Variants in BTRC observed in about 807,000 individuals in gnomAD.
The protein encoded by BTRC is beta-transducin repeat containing E3 ubiquitin protein ligase.
A neutral mutation model predicts 85.5 loss-of-function variants in BTRC; 42 were observed. The observed-to-expected ratio is 0.49, with a 90% confidence interval of 0.38 to 0.64. The LOEUF is 0.64. BTRC is among the 30% of genes least tolerant of loss of function. BTRC has a pLI of 0.00. For synonymous variants in BTRC, 255 were observed against 263.3 expected (o/e 0.97, Z 0.30); for missense variants, 594 against 743.5 (o/e 0.80, Z 2.34).
chr10:101,363,341 T>G lies in BTRC; in HGVS notation c.48+9113T>G, dbSNP rs573461139. 2.0e-5 allele frequency among the ~76,000 whole-genome samples: 3 copies of G among 152,296 alleles called. No homozygotes were observed. In the East Asian group the frequency reaches 5.8e-4, roughly 29 times the overall value. On this transcript the variant is annotated intron_variant, in intron 1 of 14. Coordinates refer to ENST00000370187, the MANE Select transcript of BTRC (RefSeq NM_033637.4). Reference sequence around the variant, plus strand: ...TCCTCTTTGAAGAGCAGGAAAACTGTGGGATATGGTGGCATGTTTCCTTAA... The same window carrying G: ...TCCTCTTTGAAGAGCAGGAAAACTGGGGGATATGGTGGCATGTTTCCTTAA...
chr10:101,377,239 G>A (rs1364254780), intron 1 of BTRC, among the ~76,000 whole-genome samples: 1 of 152,134 alleles, frequency 6.6e-6, no homozygotes, highest in Non-Finnish European at 1.5e-5. Context: ...AGGAGTTCAC[G>A]TCTTACTATT....
intron 1 of BTRC, among the ~76,000 whole-genome samples, chr10:101,396,393 A>G (rs1350711134): frequency 6.6e-6 from 1 of 151,180 alleles, no homozygotes; most frequent in Non-Finnish European, 1.5e-5. Flanking sequence ...GAAAACTTGA[A>G]TGGGAGGTGA....
At chr10:101,456,848 G>A (rs945921851) in intron 2 of BTRC, among the ~76,000 whole-genome samples, 1 of 152,098 alleles carries the variant, frequency 6.6e-6, no homozygotes, top group African/African-American at 2.4e-5. Context: ...AATATAAAAG[G>A]TAACAAGTTG....
intron 4 of BTRC, among the ~76,000 whole-genome samples, chr10:101,505,219 G>A (rs1459211392): frequency 1.7e-5 from 2 of 118,576 alleles, no homozygotes; most frequent in African/African-American, 3.5e-5. Context: ...GGCCAGGCTG[G>A]TCTAAGACTC....
At chr10:101,466,968 A>T (rs149854223) in intron 3 of BTRC, among the ~76,000 whole-genome samples, 1 of 152,312 alleles carries the variant, frequency 6.6e-6, no homozygotes, top group African/African-American at 2.4e-5. Flanking sequence ...TAGCTCCTTT[A>T]TACAGTTGGA....
chr10:101,452,858 C>A (rs1447112326), intron 2 of BTRC, among the ~76,000 whole-genome samples: 1 of 152,072 alleles, frequency 6.6e-6, no homozygotes, highest in Non-Finnish European at 1.5e-5. Context: ...GAAAACATGC[C>A]AGAGAATATC....
At chr10:101,499,841 G>A (rs539528373) in intron 4 of BTRC, among the ~76,000 whole-genome samples, 6 of 151,648 alleles carry the variant, frequency 4.0e-5, no homozygotes, top group African/African-American at 1.2e-4. Flanking sequence ...TGGAAATCAA[G>A]CCTCAGTGCT....
chr10:101,536,617 T>C lies in BTRC; in HGVS notation c.1541T>C (p.Phe514Ser). 1 of 1,613,886 alleles carries C rather than the reference T, an allele frequency of 6.2e-7. No homozygotes were observed. Among genetic ancestry groups the C allele is most frequent in the Non-Finnish European group, 8.5e-7 (1 of 1,179,782 alleles). Residue 514 changes from phenylalanine (F) to serine (S), a missense_variant, in exon 12 of 15, where the codon TTT becomes TCT. This residue lies in a region of BTRC where 373 missense variants were observed against 503.6 expected (regional missense o/e 0.74). Transcript: ENST00000370187. ...GAGGAATTGGTGCGTTGTATTCGATTTGATAACAAGAGGATAGTCAGTGGG... is the reference window on the plus strand; with the variant it reads ...GAGGAATTGGTGCGTTGTATTCGATCTGATAACAAGAGGATAGTCAGTGGG... ...GHEELVRCIR[F>S]DNKRIVSGAY...
intron 1 of BTRC, among the ~76,000 whole-genome samples, chr10:101,404,028 ATAT>A (rs1373121180): frequency 2.3e-4 from 7 of 31,092 alleles, no homozygotes; most frequent in Non-Finnish European, 2.7e-4. Flanking sequence ...ATATATATAT[ATAT>A]TTTTTTTTTT....
At chr10:101,389,931 A>G (rs1038672298) in intron 1 of BTRC, among the ~76,000 whole-genome samples, 1 of 152,174 alleles carries the variant, frequency 6.6e-6, no homozygotes, top group Non-Finnish European at 1.5e-5. Flanking sequence ...AAACTCTTGC[A>G]AGACCACTAT....
chr10:101,358,996 G>A (rs7911978), intron 1 of BTRC, among the ~76,000 whole-genome samples: 151,787 of 152,318 alleles, frequency 1, 75,633 homozygotes, highest in Middle Eastern at 1. Context: ...AAATGGTATC[G>A]GCCAAGTTTG....
At chr10:101,541,922 G>A (rs2062475007) in intron 13 of BTRC, among the ~76,000 whole-genome samples, 1 of 143,116 alleles carries the variant, frequency 7.0e-6, no homozygotes, top group Non-Finnish European at 1.5e-5. Flanking sequence ...CTGGTTGACT[G>A]TCATGATAAT....
chr10:101,542,468 G>C (rs1346385073), intron 13 of BTRC, among the ~76,000 whole-genome samples: 1 of 152,120 alleles, frequency 6.6e-6, no homozygotes, highest in Non-Finnish European at 1.5e-5. Context: ...TGTATCCTTA[G>C]TGATTTTTCT....
chr10:101,550,782 G>A lies in BTRC; in HGVS notation c.1740G>A (p.Trp580Ter). ...SSSHDDTILI[W>*]DFLNDPAAQA... ...CACATGATGACACAATCCTCATCTG[G>A]GACTTCCTAAATGATCCAGCTGCCC... is the stretch of plus-strand genomic sequence containing the variant. The change falls in exon 14 of 15, where the codon TGG (tryptophan) becomes TGA (stop). Residue 580 changes from tryptophan (W) to a stop codon, truncating the protein, a stop_gained. Transcript: ENST00000370187. LOFTEE classifies it high-confidence loss of function. 1 of 1,613,890 alleles carries A rather than the reference G, an allele frequency of 6.2e-7. No individual in the cohort carries two copies. The highest frequency in any genetic ancestry group is 8.5e-7 in the Non-Finnish European group (1 of 1,179,936).
intron 1 of BTRC, among the ~76,000 whole-genome samples, chr10:101,357,617 G>A (rs551922088): frequency 2.0e-5 from 3 of 152,120 alleles, no homozygotes; most frequent in African/African-American, 7.2e-5. Flanking sequence ...TTATACAGAT[G>A]TCATGATTTC....
At chr10:101,432,134 CTTT>C (rs141993153) in intron 2 of BTRC, among the ~76,000 whole-genome samples, 3 of 143,646 alleles carry the variant, frequency 2.1e-5, no homozygotes, top group Non-Finnish European at 1.5e-5. Context: ...CTTTTTTTTC[CTTT>C]TTTTTTTTTT....
At chr10:101,480,298 G>A (rs1564798227) in intron 4 of BTRC, among the ~76,000 whole-genome samples, 1 of 152,182 alleles carries the variant, frequency 6.6e-6, no homozygotes. Context: ...CTTAGGACTG[G>A]TGTCATGTCA....
chr10:101,504,029 A>G (rs1046066794), intron 4 of BTRC, among the ~76,000 whole-genome samples: 4 of 152,152 alleles, frequency 2.6e-5, no homozygotes, highest in African/African-American at 9.7e-5. Flanking sequence ...CTAATGTTAG[A>G]ACTGAATTTT....
At chr10:101,443,550 G>T (rs1200964572) in intron 2 of BTRC, among the ~76,000 whole-genome samples, 1 of 152,090 alleles carries the variant, frequency 6.6e-6, no homozygotes, top group Admixed American at 6.6e-5. Flanking sequence ...CATTTAAAAC[G>T]ATCACTTTCC....
Sources: gnomAD v4.1 joint callset for allele counts (sites outside exome capture counted in the v4.1 genomes callset) on GRCh38, gnomAD v4.1.1 for gene constraint, gnomAD v4.1.1 regional missense constraint, MANE v1.5 for transcripts, NCBI Gene and HGNC (gene_info 2026-07-23, HGNC 2026-07-21) for gene names.